LNX1: variants seen among roughly 807,000 people sequenced by gnomAD.
The protein encoded by LNX1 is ligand of numb-protein X 1.
In LNX1, 54 loss-of-function variants were observed where a neutral mutation model predicts 68.4. The ratio of observed to expected loss-of-function variants is 0.79; its 90% CI spans 0.63 to 0.99. The LOEUF (loss-of-function observed/expected upper bound fraction) is 0.99. Ranked by LOEUF, LNX1 falls within the 50% of genes least tolerant of loss-of-function variation. LNX1 has a pLI of 0.00. For missense variants in LNX1, 906 were observed against 926.4 expected (o/e 0.98, Z 0.29); for synonymous variants, 336 against 350.0 (o/e 0.96, Z 0.45).
At chr4:53,468,405 C>T (rs927622001) in intron 9 of LNX1, among the ~76,000 whole-genome samples, 1 of 152,132 alleles carries the variant, frequency 6.6e-6, no homozygotes, top group Non-Finnish European at 1.5e-5. Flanking sequence ...ATTGTAAAGA[C>T]CATCGAGGCT....
chr4:53,553,290 G>A (rs1241168103), intron 2 of LNX1, among the ~76,000 whole-genome samples: 8 of 152,110 alleles, frequency 5.3e-5, no homozygotes, highest in Admixed American at 3.3e-4. Flanking sequence ...GTGCCCATAC[G>A]GATCCCCTGG....
At chr4:53,560,163 T>C (rs1730182862) in intron 2 of LNX1, among the ~76,000 whole-genome samples, 2 of 152,218 alleles carry the variant, frequency 1.3e-5, no homozygotes, top group African/African-American at 4.8e-5. Flanking sequence ...CGACCTCCTA[T>C]ATAGATCAGA....
At chr4:53,625,935 A>C (rs1734060114) in intron 1 of LNX1, among the ~76,000 whole-genome samples, 1 of 152,092 alleles carries the variant, frequency 6.6e-6, no homozygotes, top group African/African-American at 2.4e-5. Flanking sequence ...AGATGTGTAC[A>C]CAAACATTCA....
chr4:53,496,531 C>T (rs751641166), intron 5 of LNX1, 137 bp from the exon 6 acceptor site: 31 of 1,099,134 alleles, frequency 2.8e-5, no homozygotes, highest in Non-Finnish European at 3.2e-5. Context: ...GTCCAATAAC[C>T]GCACCTTCCA....
At chr4:53,533,745 T>C (rs1577673523) in intron 2 of LNX1, among the ~76,000 whole-genome samples, 1 of 152,142 alleles carries the variant, frequency 6.6e-6, no homozygotes, top group East Asian at 1.9e-4. Context: ...GCTCCTGGCA[T>C]GTAGGGGGTA....
At chr4:53,600,710 T>TTTCTTA (rs1403258399) in intron 2 of LNX1, among the ~76,000 whole-genome samples, 1 of 150,666 alleles carries the variant, frequency 6.6e-6, no homozygotes, top group Non-Finnish European at 1.5e-5. Context: ...CGGCCTCTGT[T>TTTCTTA]TTTTTATTTT....
chr4:53,591,428 G>A lies in LNX1; in HGVS notation c.-127C>T. The A allele has an allele frequency of 1.0e-6, 1 of 985,794 alleles. No individual in the cohort carries two copies. The highest frequency in any genetic ancestry group is 1.2e-6 in the Non-Finnish European group (1 of 830,262). 61.1% of individuals were successfully genotyped at this position (985,794 alleles called of 1,614,324 possible). On this transcript the variant is annotated 5_prime_UTR_variant, in exon 1 of 11. Transcript: ENST00000263925. ...TCTGGGGCTCTCCAAGCAGCAGCAG[G>A]CAGGCAGCTCTCATTCCTTGTGGGT...
intron 2 of LNX1, among the ~76,000 whole-genome samples, chr4:53,525,174 T>TA (rs1029645961): frequency 6.6e-6 from 1 of 151,898 alleles, no homozygotes; most frequent in Non-Finnish European, 1.5e-5. Context: ...CGTTACACAT[T>TA]AAAAAAAATT....
intron 2 of LNX1, among the ~76,000 whole-genome samples, chr4:53,609,668 T>TATA (rs1733392892): frequency 6.9e-6 from 1 of 145,018 alleles, no homozygotes; most frequent in South Asian, 2.1e-4. Context: ...ATAGTACTAT[T>TATA]ATACTATTAT....
At chr4:53,569,583 C>T (rs1329774701) in intron 2 of LNX1, among the ~76,000 whole-genome samples, 1 of 148,676 alleles carries the variant, frequency 6.7e-6, no homozygotes, top group Non-Finnish European at 1.5e-5. Context: ...TAGGCATTAC[C>T]ATTCAGGACA....
At chr4:53,569,011 G>T (rs1330040366) in intron 2 of LNX1, among the ~76,000 whole-genome samples, 2 of 149,894 alleles carry the variant, frequency 1.3e-5, no homozygotes, top group South Asian at 2.1e-4. Flanking sequence ...GGAAATAAAA[G>T]AGGATACAAA....
rs377236429 is a variant in LNX1 at position 53,463,798 on chromosome 4, G to A, written c.1893-2205C>T. Reference sequence around the variant, plus strand: ...GAGTTAATAAGTATGCTGAAGTCTTGAGCTGCTCAAGAAGCTAAGTTTTTT... The same window carrying A: ...GAGTTAATAAGTATGCTGAAGTCTTAAGCTGCTCAAGAAGCTAAGTTTTTT... On this transcript the variant is annotated intron_variant, in intron 9 of 10. Transcript: ENST00000263925. Among the ~76,000 whole-genome samples, 6 of 152,060 alleles carry A rather than the reference G, an allele frequency of 3.9e-5. No homozygotes were observed. The East Asian group carries it at 7.7e-4, about 20-fold the overall frequency.
At chr4:53,545,051 T>A (rs1177108972) in intron 2 of LNX1, among the ~76,000 whole-genome samples, 1 of 152,220 alleles carries the variant, frequency 6.6e-6, no homozygotes, top group African/African-American at 2.4e-5. Context: ...CACCAGCATC[T>A]AAGAGGGAAG....
At chr4:53,563,589 C>T (rs1223700399) in intron 2 of LNX1, among the ~76,000 whole-genome samples, 2 of 149,576 alleles carry the variant, frequency 1.3e-5, no homozygotes, top group African/African-American at 5.0e-5. Context: ...GGCTGGAGTA[C>T]AGTGGTGTGA....
At chr4:53,642,775 A>C (rs1360047767) in intron 1 of LNX1, among the ~76,000 whole-genome samples, 1 of 152,168 alleles carries the variant, frequency 6.6e-6, no homozygotes, top group African/African-American at 2.4e-5. Context: ...GTCTCTGCTT[A>C]CTTTGAGATC....
chr4:53,469,969 G>A (rs568199725), intron 9 of LNX1, among the ~76,000 whole-genome samples: 1 of 152,254 alleles, frequency 6.6e-6, no homozygotes, highest in Admixed American at 6.5e-5. Flanking sequence ...GAAAAAGAGG[G>A]AATCCTCCCT....
intron 1 of LNX1, among the ~76,000 whole-genome samples, chr4:53,631,348 G>A (rs1251512345): frequency 6.6e-6 from 1 of 152,132 alleles, no homozygotes; most frequent in Non-Finnish European, 1.5e-5. Context: ...ACTTCCCTGT[G>A]GGCCTTCAGC....
In LNX1 at chr4:53,574,222, TC is replaced by T. The variant is rs1458601704; in HGVS notation, c.-86-135del. 6 of 695,400 alleles carry T rather than the reference TC, an allele frequency of 8.6e-6. No individual in the cohort carries two copies. The African/African-American group carries it at 1.1e-4, about 12-fold the overall frequency. The allele number at this position is 695,400 out of a possible 1,614,324, so 43.1% of individuals were successfully genotyped here. ...CAGAAAGCCAGGGTTGAGGGTCCAC[TC>T]TGGAGTGACTGACAGGACCTTGGGC... On this transcript the variant is annotated intron_variant, in intron 1 of 10. Transcript: ENST00000263925.
chr4:53,649,187 C>T (rs941391574), intron 1 of LNX1, among the ~76,000 whole-genome samples: 11 of 152,152 alleles, frequency 7.2e-5, no homozygotes, highest in African/African-American at 2.7e-4. Flanking sequence ...TTAATTAATT[C>T]ATTATATTTT....
Sources: allele counts gnomAD v4.1 joint callset (sites outside exome capture counted in the v4.1 genomes callset), GRCh38; gene constraint gnomAD v4.1.1; transcripts MANE v1.5; gene names NCBI Gene and HGNC (gene_info 2026-07-23, HGNC 2026-07-21).